Variants in ATP8B3 observed in about 807,000 individuals in gnomAD.
ATP8B3 encodes phospholipid-transporting ATPase IK.
A neutral mutation model predicts 140.9 loss-of-function variants in ATP8B3; 141 were observed. The observed-to-expected ratio is 1.00, with a 90% CI of 0.87 to 1.15. ATP8B3 has a LOEUF of 1.15. ATP8B3 is among the 50% of genes most tolerant of loss of function. The pLI, the probability that ATP8B3 is intolerant of heterozygous loss-of-function variation, is 0.00. For missense variants in ATP8B3, 1,874 were observed against 1,740.6 expected, an observed-to-expected ratio of 1.08 and a Z score of -1.36; for synonymous variants, 765 against 714.6, an observed-to-expected ratio of 1.07 and a Z score of -1.13.
At position 1,787,112 on chromosome 19, in the gene ATP8B3, GA is replaced by G; in HGVS notation, c.3143del (p.Leu1048ProfsTer6). On this transcript the variant is annotated frameshift_variant, in exon 25 of 29. Transcript: ENST00000310127. LOFTEE classifies it high-confidence loss of function. ...GCCTTGCCCTGCTCACCTGCTCAAA[GA>G]GCCCAATGTAGAGAACTGGCAGGGT... ...YSTLPVLYIG[L>X]FEQDVSAEQS... 6.2e-7 allele frequency: 1 copy of G among 1,604,802 alleles called. No homozygotes were observed.
chr19:1,796,558 G>A (rs1264576110), intron 16 of ATP8B3, among the ~76,000 whole-genome samples, 153 bp downstream of exon 16: 1 of 152,344 alleles, frequency 6.6e-6, no homozygotes, highest in Non-Finnish European at 1.5e-5. Context: ...AGGCCCGGAC[G>A]CCCTCGAGGT....
chr19:1,791,624 C>T, intron 20 of ATP8B3, 126 bp downstream of exon 20: 3 of 700,614 alleles, frequency 4.3e-6, no homozygotes, highest in Non-Finnish European at 7.3e-6. Context: ...AACTTCTGAC[C>T]TCAAGTGATC....
At position 1,784,766 on chromosome 19, in the gene ATP8B3, A is replaced by C. The variant is rs367724631; in HGVS notation, c.3660+53T>G. 37 of 1,533,604 alleles carry C rather than the reference A, an allele frequency of 2.4e-5. 1 individual carries two copies. In the East Asian group the frequency reaches 8.9e-4, roughly 37 times the overall value. 95.0% of individuals were successfully genotyped at this position (1,533,604 alleles called of 1,614,324 possible). A position where few individuals can be genotyped will look rare whatever the true frequency, so the allele number is the denominator to read the frequency against. On this transcript the variant is annotated intron_variant, in intron 28 of 28. Coordinates refer to ENST00000310127, the MANE Select transcript of ATP8B3 (RefSeq NM_138813.4). ...TCCCTACGCCCTGCACGGCTCCCCA[A>C]CCAGGGTCCTGGAATGTACCAGATG...
At position 1,796,867 on chromosome 19, in the gene ATP8B3, G is replaced by C. The variant is rs373361631; in HGVS notation, c.1597C>G (p.Leu533Val). The change falls in exon 16 of 29, where the codon CTC becomes GTC. Residue 533 changes from leucine (L) to valine (V), a missense_variant. Leu to Val is a conservative substitution (Grantham distance 32). Coordinates refer to ENST00000310127, the MANE Select transcript of ATP8B3 (RefSeq NM_138813.4). ...ATTRPKENPY[L>V]WNKFADGKLL... ...TTCCCGTCGGCGAACTTGTTCCAGA[G>C]GTAGGGGTTCTCCTGGGGGTGGCGG... The C allele has an allele frequency of 1.6e-5, 25 of 1,612,074 alleles. No homozygotes were observed. The African/African-American group carries it at 3.3e-4, about 22-fold the overall frequency.
rs991870154 is a variant in ATP8B3 at position 1,806,557 on chromosome 19, C to T, written c.677+71G>A. ...AGCACGGAAGGTGATGGACACTTGC[C>T]GAGGCCGATGACCCTGCTGGGCTGG... On this transcript the variant is annotated intron_variant, in intron 7 of 28. Coordinates refer to ENST00000310127, the MANE Select transcript of ATP8B3 (RefSeq NM_138813.4). This position sits in a 1 kb window ranked among gnomAD's most constrained non-coding sequence, Gnocchi z 5.6. The T allele has an allele frequency of 2.4e-5, 37 of 1,543,164 alleles. No individual in the cohort carries two copies. The highest frequency in any genetic ancestry group is 1.6e-4 in the Admixed American group (8 of 50,638).
At chr19:1,799,674 G>A in intron 14 of ATP8B3, 1 of 559,226 alleles carries the variant, frequency 1.8e-6, no homozygotes, top group Non-Finnish European at 3.1e-6. Context: ...TGAGCCAGGA[G>A]AATCGCTTGA....
chr19:1,789,797 C>T, intron 22 of ATP8B3, 70 bp from the exon 23 acceptor site: 1 of 1,568,616 alleles, frequency 6.4e-7, no homozygotes, highest in Non-Finnish European at 8.6e-7. Flanking sequence ...ACCCGGCCCT[C>T]GGCCTCGCCA....
At chr19:1,792,527 C>G (rs2068544743) in intron 18 of ATP8B3, among the ~76,000 whole-genome samples, 1 of 147,420 alleles carries the variant, frequency 6.8e-6, no homozygotes, top group Non-Finnish European at 1.5e-5. Context: ...TTGCAGCGAG[C>G]TGAGATCACA....
rs1309662899 is a variant in ATP8B3 at position 1,789,489 on chromosome 19, C to T, written c.2717G>A (p.Cys906Tyr). 9.4e-6 allele frequency: 15 copies of T among 1,597,870 alleles called. No individual in the cohort carries two copies. The East Asian group carries it at 3.4e-4, about 36-fold the overall frequency. The change falls in exon 23 of 29, where the codon TGC becomes TAC. Residue 906 changes from cysteine (C) to tyrosine (Y), a missense_variant. Transcript: ENST00000310127. ...ERAFVDLASK[C>Y]QAVICCRVTP... ...CACGCGGCAGCAGATGACCGCCTGG[C>T]ACTTGGACGCCAGGTCCACGAAGGC...
At chr19:1,809,330 A>C (rs550382369) in intron 4 of ATP8B3, among the ~76,000 whole-genome samples, 1 of 150,692 alleles carries the variant, frequency 6.6e-6, no homozygotes, top group South Asian at 2.1e-4. Context: ...AAAATACAAA[A>C]ATTAGTCAGG....
At chr19:1,789,320 C>A (rs750233757) in intron 23 of ATP8B3, 41 bp downstream of exon 23, 29 of 1,457,670 alleles carry the variant, frequency 2.0e-5, no homozygotes, top group East Asian at 2.6e-5. Context: ...AGCCGCCCCC[C>A]ACTCGTCCCA....
intron 11 of ATP8B3, 30 bp from the exon 12 acceptor site, chr19:1,802,074 C>G: frequency 8.5e-7 from 1 of 1,182,542 alleles, no homozygotes; most frequent in Non-Finnish European, 1.1e-6. Context: ...TATCCACCCA[C>G]CCACCCACCC....
chr19:1,806,255 G>A lies in ATP8B3; in HGVS notation c.678-86C>T. ...AGACCAGAGGCACGGGATGACGGGG[G>A]GCCCGCAGCTGCAGTCCCCACCTCC... On this transcript the variant is annotated intron_variant, in intron 7 of 28. Transcript: ENST00000310127. The surrounding 1 kb of genome is among the most constrained non-coding windows in gnomAD (Gnocchi z 5.6). 8 of 1,530,494 alleles carry A rather than the reference G, an allele frequency of 5.2e-6. No individual in the cohort carries two copies. The highest frequency in any genetic ancestry group is 7.0e-6 in the Non-Finnish European group (8 of 1,141,806). 94.8% of individuals were successfully genotyped at this position (1,530,494 alleles called of 1,614,324 possible). A position where few individuals can be genotyped will look rare whatever the true frequency, so the allele number is the denominator to read the frequency against.
At chr19:1,788,008 C>T (rs919237295) in intron 24 of ATP8B3, among the ~76,000 whole-genome samples, 7 of 152,010 alleles carry the variant, frequency 4.6e-5, no homozygotes, top group African/African-American at 1.4e-4. Context: ...TGCCACTGCA[C>T]GACAGCCTGG....
chr19:1,790,667 G>C, intron 21 of ATP8B3, 90 bp downstream of exon 21: 1 of 1,072,118 alleles, frequency 9.3e-7, no homozygotes, highest in Non-Finnish European at 1.3e-6. Flanking sequence ...CTGTGCCTTG[G>C]GCTCCCCGTC....
In ATP8B3 at chr19:1,796,830, T is replaced by C. The variant is rs369865710; in HGVS notation, c.1634A>G (p.His545Arg). 9.6e-5 allele frequency: 155 copies of C among 1,612,326 alleles called. No homozygotes were observed. Among genetic ancestry groups the C allele is most frequent in the Non-Finnish European group, 1.3e-4 (148 of 1,179,534 alleles). ...NKFADGKLLF[H>R]NAALLHLVRT... ...CACGAGGTGCAGCAGGGCCGCATTG[T>C]GGAAGAGCAGCTTCCCGTCGGCGAA... is the stretch of plus-strand genomic sequence containing the variant. The change falls in exon 16 of 29, where the codon CAC becomes CGC. Residue 545 changes from histidine (H) to arginine (R), a missense_variant. Transcript: ENST00000310127.
rs543397047 is a variant in ATP8B3 at position 1,805,234 on chromosome 19, C to G, written c.904+140G>C. On this transcript the variant is annotated intron_variant, in intron 10 of 28. Transcript: ENST00000310127. The surrounding 1 kb of genome is among the most constrained non-coding windows in gnomAD (Gnocchi z 5.2). ...AAGTGATTCTCCTGCCTCAGCCTCC[C>G]AAAGTGCTGGGATTCCAGGTGTGAG... is the stretch of plus-strand genomic sequence containing the variant. 4 of 816,490 alleles carry G rather than the reference C, an allele frequency of 4.9e-6. No homozygotes were observed. In the South Asian group the frequency reaches 5.8e-5, roughly 12 times the overall value. 50.6% of individuals were successfully genotyped at this position (816,490 alleles called of 1,614,324 possible).
intron 20 of ATP8B3, 75 bp downstream of exon 20, chr19:1,791,675 G>T: frequency 1.7e-6 from 2 of 1,165,798 alleles, no homozygotes; most frequent in African/African-American, 1.5e-5. Context: ...TGACAGGTGT[G>T]AGCCTTCAAA....
chr19:1,786,969 T>A, intron 25 of ATP8B3, 134 bp downstream of exon 25: 1 of 756,368 alleles, frequency 1.3e-6, no homozygotes, highest in South Asian at 1.8e-5. Context: ...GGAGAGGTAC[T>A]GGACTGCACC....
Sources: gnomAD v4.1 joint callset for allele counts (sites outside exome capture counted in the v4.1 genomes callset) on GRCh38, gnomAD v4.1.1 for gene constraint, Gnocchi (gnomAD v3.1) non-coding constraint, MANE v1.5 for transcripts, NCBI Gene and HGNC (gene_info 2026-07-23, HGNC 2026-07-21) for gene names.